Variants in RSPO3 observed in about 807,000 individuals in gnomAD.
RSPO3 encodes the protein R-spondin-3.
RSPO3 carries 17 observed loss-of-function variants against 36.5 expected under a neutral mutation model. The observed-to-expected ratio is 0.47, with a 90% confidence interval of 0.32 to 0.70. RSPO3 has a LOEUF of 0.70. Ranked by LOEUF, RSPO3 falls within the 30% of genes least tolerant of loss-of-function variation. The pLI, the probability that RSPO3 is intolerant of heterozygous loss-of-function variation, is 0.04. For synonymous variants in RSPO3, 108 were observed against 107.0 expected, an observed-to-expected ratio of 1.01 and a Z score of -0.06; for missense variants, 294 against 322.5, an observed-to-expected ratio of 0.91 and a Z score of 0.68.
intron 4 of RSPO3, among the ~76,000 whole-genome samples, chr6:127,163,320 C>A (rs1190314601): frequency 1.3e-5 from 2 of 152,046 alleles, no homozygotes; most frequent in Non-Finnish European, 2.9e-5. Flanking sequence ...AGGGGACACC[C>A]CACATTTGAA....
chr6:127,198,577 C>T lies in RSPO3; in HGVS notation c.*2570C>T, dbSNP rs77615428. Among the ~76,000 whole-genome samples the T allele has an allele frequency of 0.01, 1,537 of 152,258 alleles. 25 individuals are homozygous for T. The highest frequency in any genetic ancestry group is 0.036 in the African/African-American group (1,478 of 41,530). On this transcript the variant is annotated 3_prime_UTR_variant, in exon 5 of 5. Transcript: ENST00000356698. ...TCGGTAAATTATTGATTCGAAGAATCGAGAGAGTGCAGCAACATAAATCTG... is the reference window on the plus strand; with the variant it reads ...TCGGTAAATTATTGATTCGAAGAATTGAGAGAGTGCAGCAACATAAATCTG...
chr6:127,187,157 A>ACAT (rs1021160901), intron 4 of RSPO3, among the ~76,000 whole-genome samples: 1 of 152,194 alleles, frequency 6.6e-6, no homozygotes, highest in Non-Finnish European at 1.5e-5. Context: ...TACAAAAAAA[A>ACAT]GATGAACACA....
chr6:127,169,456 A>C (rs534883064), intron 4 of RSPO3, among the ~76,000 whole-genome samples: 1 of 151,962 alleles, frequency 6.6e-6, no homozygotes, highest in East Asian at 2.0e-4. Context: ...TATCCCTCCT[A>C]AACTCTTCTG....
chr6:127,157,737 T>C (rs893419168), intron 4 of RSPO3, among the ~76,000 whole-genome samples: 26 of 152,136 alleles, frequency 1.7e-4, no homozygotes, highest in African/African-American at 6.3e-4. Context: ...AGTCCTACTT[T>C]TATTTTTTTT....
intron 4 of RSPO3, among the ~76,000 whole-genome samples, chr6:127,158,658 T>C (rs146596830): frequency 7.2e-5 from 11 of 152,254 alleles, no homozygotes; most frequent in Non-Finnish European, 1.0e-4. Flanking sequence ...TTAATATGTA[T>C]ATGTTACAAA....
At chr6:127,135,416 TAAAAA>T (rs35739572) in intron 1 of RSPO3, among the ~76,000 whole-genome samples, 2 of 95,232 alleles carry the variant, frequency 2.1e-5, no homozygotes, top group African/African-American at 3.9e-5. Context: ...TGAGAATCCA[TAAAAA>T]AAAAAAAAAA....
At chr6:127,195,772 A>G in intron 4 of RSPO3, 51 bp from the exon 5 acceptor site, 5 of 1,271,532 alleles carry the variant, frequency 3.9e-6, no homozygotes, top group Non-Finnish European at 5.3e-6. Flanking sequence ...TGTAATTAAA[A>G]AATAGAACAT....
chr6:127,159,468 C>A (rs971712153), intron 4 of RSPO3, among the ~76,000 whole-genome samples: 7 of 151,698 alleles, frequency 4.6e-5, no homozygotes, highest in African/African-American at 1.7e-4. Flanking sequence ...ATAAAAGGAA[C>A]CCTTTAAAAT....
At position 127,197,524 on chromosome 6, in the gene RSPO3, AT is replaced by A; in HGVS notation, c.*1518del. ...GGTATCTCTGAGTGTGCAGCACAGA[AT>A]CGCATGACCCACCTTAACCTTCCTG... On this transcript the variant is annotated 3_prime_UTR_variant, in exon 5 of 5. Coordinates refer to ENST00000356698, the MANE Select transcript of RSPO3 (RefSeq NM_032784.5). The A allele has an allele frequency of 6.4e-7, 1 of 1,550,424 alleles. No individual in the cohort carries two copies. Among genetic ancestry groups the A allele is most frequent in the East Asian group, 2.4e-5 (1 of 40,908 alleles).
At chr6:127,180,949 A>G (rs1247907359) in intron 4 of RSPO3, among the ~76,000 whole-genome samples, 1 of 151,892 alleles carries the variant, frequency 6.6e-6, no homozygotes, top group Non-Finnish European at 1.5e-5. Context: ...GCTTTACTTA[A>G]GGTCATATTG....
Position 127,155,287 on chromosome 6 carries a change from G to C in RSPO3, c.483G>C (p.Lys161Asn). The stretch of plus-strand genomic sequence containing the variant: ...GGAATCCTTGGAGTCCATGCACGAA[G>C]AAGGGAAAAACATGTGGCTTCAAAA... The part of the protein sequence containing the change: ...SEWNPWSPCT[K>N]KGKTCGFKRG... The change falls in exon 4 of 5, where the codon AAG becomes AAC. Residue 161 changes from lysine to asparagine, a missense_variant. This residue lies in a region of RSPO3 where 190 missense variants were observed against 185.2 expected (regional missense o/e 1.03). Transcript: ENST00000356698. 1 of 1,613,912 alleles carries C rather than the reference G, an allele frequency of 6.2e-7. No homozygotes were observed. Among genetic ancestry groups the C allele is most frequent in the Non-Finnish European group, 8.5e-7 (1 of 1,179,884 alleles).
At chr6:127,157,107 C>A (rs941834129) in intron 4 of RSPO3, among the ~76,000 whole-genome samples, 11 of 152,048 alleles carry the variant, frequency 7.2e-5, no homozygotes, top group Non-Finnish European at 1.5e-4. Flanking sequence ...GCATTTGTTA[C>A]CAATTAATTT....
At chr6:127,155,724 AG>A (rs1774582411) in intron 4 of RSPO3, among the ~76,000 whole-genome samples, 1 of 152,132 alleles carries the variant, frequency 6.6e-6, no homozygotes. Flanking sequence ...CTGCTTTGCT[AG>A]TACTTAGAAA....
chr6:127,177,758 T>C (rs1775084346), intron 4 of RSPO3, among the ~76,000 whole-genome samples: 1 of 151,772 alleles, frequency 6.6e-6, no homozygotes, highest in Non-Finnish European at 1.5e-5. Context: ...GAAAAGGACT[T>C]GCAAGAAGCC....
At chr6:127,181,337 T>C (rs138039574) in intron 4 of RSPO3, among the ~76,000 whole-genome samples, 1 of 151,896 alleles carries the variant, frequency 6.6e-6, no homozygotes, top group Non-Finnish European at 1.5e-5. Flanking sequence ...ACCCCATATA[T>C]AAATATGTTA....
intron 4 of RSPO3, among the ~76,000 whole-genome samples, chr6:127,171,386 T>C (rs1302653515): frequency 1.3e-5 from 2 of 151,746 alleles, no homozygotes. Context: ...TAGCAAGAAA[T>C]AAGTAACTTT....
At chr6:127,178,933 A>G (rs964085136) in intron 4 of RSPO3, among the ~76,000 whole-genome samples, 6 of 151,838 alleles carry the variant, frequency 4.0e-5, no homozygotes, top group African/African-American at 1.4e-4. Context: ...AGAGGAGAGA[A>G]AACATGGGAA....
At chr6:127,182,402 C>G (rs377487648) in intron 4 of RSPO3, among the ~76,000 whole-genome samples, 1 of 151,802 alleles carries the variant, frequency 6.6e-6, no homozygotes, top group South Asian at 2.1e-4. Context: ...AAGCTCTTTA[C>G]CCCTTTAAAA....
chr6:127,189,560 T>C (rs1383936147), intron 4 of RSPO3, among the ~76,000 whole-genome samples: 7 of 152,276 alleles, frequency 4.6e-5, no homozygotes, highest in Middle Eastern at 3.4e-3. Context: ...TGTTCTTGTT[T>C]CTAAATTCCC....
Sources: gnomAD v4.1 joint callset for allele counts (sites outside exome capture counted in the v4.1 genomes callset) on GRCh38, gnomAD v4.1.1 for gene constraint, gnomAD v4.1.1 regional missense constraint, MANE v1.5 for transcripts, NCBI Gene and HGNC (gene_info 2026-07-23, HGNC 2026-07-21) for gene names.